Variants in TRAPPC9 observed in about 807,000 individuals in gnomAD.
TRAPPC9 encodes trafficking protein particle complex subunit 9, also known as IKK2 binding protein.
TRAPPC9 carries 83 observed loss-of-function variants against 124.0 expected under a neutral mutation model. The ratio of observed to expected loss-of-function variants is 0.67; its 90% CI spans 0.56 to 0.80. The LOEUF (loss-of-function observed/expected upper bound fraction) is 0.80. Ranked by LOEUF, TRAPPC9 falls within the 30% of genes least tolerant of loss-of-function variation. TRAPPC9 has a pLI of 0.00. For synonymous variants in TRAPPC9, 638 were observed against 617.5 expected (o/e 1.03, Z -0.49); for missense variants, 1,302 against 1,508.3 (o/e 0.86, Z 2.27).
intron 18 of TRAPPC9, among the ~76,000 whole-genome samples, chr8:140,020,434 T>C (rs1004513346): frequency 6.6e-6 from 1 of 152,164 alleles, no homozygotes; most frequent in Non-Finnish European, 1.5e-5. Flanking sequence ...GAGACCAGCC[T>C]GGGCAAGACA....
Position 140,450,921 on chromosome 8 carries a change from G to A in TRAPPC9, c.453C>T (p.Phe151=), listed in dbSNP as rs1245386914. The change falls in exon 2 of 23, where the codon TTC becomes TTT. Residue 151 remains phenylalanine, a synonymous_variant. Coordinates refer to ENST00000438773, the MANE Select transcript of TRAPPC9 (RefSeq NM_001160372.4). ...CQTVEKRIED[F]IESLFIVLES... is the part of the protein sequence containing the mutation. ...CCAGCACGATGAACAGTGACTCGAT[G>A]AAGTCCTCGATTCTCTTCTCCACCG... 1.9e-6 allele frequency: 3 copies of A among 1,614,074 alleles called. No homozygotes were observed. Among genetic ancestry groups the A allele is most frequent in the Non-Finnish European group, 2.5e-6 (3 of 1,180,048 alleles).
chr8:140,239,714 A>C (rs1171919614), intron 16 of TRAPPC9, among the ~76,000 whole-genome samples: 1 of 152,168 alleles, frequency 6.6e-6, no homozygotes, highest in African/African-American at 2.4e-5. Flanking sequence ...TCAGGAAAGA[A>C]CCCAAGTTTC....
rs1266418348 is a variant in TRAPPC9, at chr8:140,008,510, C to A, written c.2699+15427G>T. On this transcript the variant is annotated intron_variant, in intron 18 of 22. Transcript: ENST00000438773. ...TTCTGAGGATTTCTGAGAGGTAAAGCAGCCACTGATGGCAGCGTCCAGAGG... is the reference window on the plus strand; with the variant it reads ...TTCTGAGGATTTCTGAGAGGTAAAGAAGCCACTGATGGCAGCGTCCAGAGG... 2.0e-5 allele frequency: 3 copies of A among 152,268 alleles called. No individual in the cohort carries two copies. The East Asian group carries it at 5.8e-4, about 29-fold the overall frequency. The allele number at this position is 152,268 out of a possible 1,614,324, so 9.4% of individuals were successfully genotyped here. A position where few individuals can be genotyped will look rare whatever the true frequency, so the allele number is the denominator to read the frequency against.
At chr8:139,835,138 C>T (rs965087177) in intron 21 of TRAPPC9, among the ~76,000 whole-genome samples, 3 of 152,178 alleles carry the variant, frequency 2.0e-5, no homozygotes, top group African/African-American at 7.2e-5. Flanking sequence ...ATCACCTCTC[C>T]TCTTGGAGCC....
intron 11 of TRAPPC9, among the ~76,000 whole-genome samples, chr8:140,296,973 G>A (rs1420917953): frequency 6.6e-6 from 1 of 152,244 alleles, no homozygotes; most frequent in East Asian, 1.9e-4. Context: ...AGGGGAGACA[G>A]AGGAGCCCTG....
At chr8:139,819,918 C>T (rs1433232598) in intron 21 of TRAPPC9, among the ~76,000 whole-genome samples, 10 of 143,170 alleles carry the variant, frequency 7.0e-5, no homozygotes, top group Admixed American at 5.2e-4. Flanking sequence ...GAGGCTGAGG[C>T]AGGAGAATCA....
chr8:140,062,903 C>T (rs1433171161), intron 17 of TRAPPC9, among the ~76,000 whole-genome samples: 1 of 152,100 alleles, frequency 6.6e-6, no homozygotes, highest in African/African-American at 2.4e-5. Flanking sequence ...TCTCACACTG[C>T]TAGAAAGAAC....
At chr8:140,042,825 T>C (rs1841356371) in intron 17 of TRAPPC9, among the ~76,000 whole-genome samples, 1 of 152,232 alleles carries the variant, frequency 6.6e-6, no homozygotes, top group Non-Finnish European at 1.5e-5. Context: ...TTCTTTCTCA[T>C]GCCAGCAAAC....
chr8:140,090,988 A>G (rs989967385), intron 17 of TRAPPC9, among the ~76,000 whole-genome samples: 2 of 152,248 alleles, frequency 1.3e-5, no homozygotes, highest in African/African-American at 4.8e-5. Context: ...TAAAAGTCGC[A>G]GTCCAAAAGG....
Position 139,776,222 on chromosome 8 carries a change from G to A in TRAPPC9, c.3056-44020C>T, listed in dbSNP as rs1349498439. On this transcript the variant is annotated intron_variant, in intron 21 of 22. Transcript: ENST00000438773. This position sits in a 1 kb window ranked among gnomAD's most constrained non-coding sequence, Gnocchi z 4.1. ...GTTCCTTCCATCCTGCAGGCCTCCT[G>A]CACAGGGACGCCAGGCTGCAGCCTC... 1.3e-5 allele frequency among the ~76,000 whole-genome samples: 2 copies of A among 152,144 alleles called. No homozygotes were observed. The highest frequency in any genetic ancestry group is 2.1e-4 in the South Asian group (1 of 4,826).
At chr8:140,081,054 C>T (rs1434590798) in intron 17 of TRAPPC9, among the ~76,000 whole-genome samples, 1 of 152,186 alleles carries the variant, frequency 6.6e-6, no homozygotes, top group African/African-American at 2.4e-5. Flanking sequence ...AGGCACCCAC[C>T]CTGGCTCTGG....
At position 140,311,216 on chromosome 8, in the gene TRAPPC9, C is replaced by T. The variant is rs202021357; in HGVS notation, c.1622+32G>A. On this transcript the variant is annotated intron_variant, in intron 10 of 22. Coordinates refer to ENST00000438773, the MANE Select transcript of TRAPPC9 (RefSeq NM_001160372.4). ...TAGAGGACGGTGTCCCAGAGGGCAG[C>T]TGCCTTTCCGGCTCTGCAGTGCCCA... 3.4e-5 allele frequency: 54 copies of T among 1,606,108 alleles called. No individual in the cohort carries two copies. In the East Asian group the frequency reaches 7.8e-4, roughly 23 times the overall value.
intron 18 of TRAPPC9, among the ~76,000 whole-genome samples, chr8:140,010,134 T>C (rs1290943752): frequency 2.0e-5 from 3 of 152,238 alleles, no homozygotes; most frequent in Non-Finnish European, 4.4e-5. Flanking sequence ...CGAAATTTAA[T>C]TTTTAACAGT....
intron 16 of TRAPPC9, among the ~76,000 whole-genome samples, chr8:140,222,660 T>C (rs1314642058): frequency 6.6e-6 from 1 of 152,224 alleles, no homozygotes; most frequent in Non-Finnish European, 1.5e-5. Context: ...AGAGAAGACC[T>C]GGCGGAATGA....
intron 17 of TRAPPC9, among the ~76,000 whole-genome samples, chr8:140,146,897 T>G (rs2061472005): frequency 6.7e-6 from 1 of 149,868 alleles, no homozygotes; most frequent in Non-Finnish European, 1.5e-5. Context: ...AAAAGAGCAC[T>G]TATTTTCCAA....
Position 140,451,007 on chromosome 8 carries a change from C to A in TRAPPC9, c.367G>T (p.Glu123Ter), listed in dbSNP as rs587780486. 2.5e-5 allele frequency: 40 copies of A among 1,613,972 alleles called. No homozygotes were observed. The highest frequency in any genetic ancestry group is 3.3e-5 in the Non-Finnish European group (39 of 1,180,008). ...TCGGTGCGCGGCTGCTCCACGATCT[C>A]CCCCTGCAGCCCGAAGACAAAGAGC... ...SRLFVFGLQGEIVEQPRTDVA... is the reference protein window; with the variant it reads ...SRLFVFGLQG The change falls in exon 2 of 23, where the codon GAG (glutamate) becomes TAG (stop). Residue 123 changes from glutamate (E) to a stop codon, truncating the protein, a stop_gained. Transcript: ENST00000438773. LOFTEE classifies it high-confidence loss of function.
chr8:139,759,566 C>T (rs1034929483), intron 21 of TRAPPC9, among the ~76,000 whole-genome samples: 1 of 152,168 alleles, frequency 6.6e-6, no homozygotes, highest in Non-Finnish European at 1.5e-5. Context: ...TCTAGGGCTA[C>T]AGCGGTTCCT....
intron 5 of TRAPPC9, among the ~76,000 whole-genome samples, chr8:140,425,940 CA>C (rs1482378600): frequency 6.6e-6 from 1 of 152,156 alleles, no homozygotes; most frequent in Non-Finnish European, 1.5e-5. Flanking sequence ...AAACCTGGGG[CA>C]ACTTCATTTC....
At chr8:139,859,374 G>A (rs1827993450) in intron 21 of TRAPPC9, among the ~76,000 whole-genome samples, 1 of 152,154 alleles carries the variant, frequency 6.6e-6, no homozygotes, top group Non-Finnish European at 1.5e-5. Context: ...ATGACCCCCA[G>A]AGACATTTAG....
Sources: gnomAD v4.1 joint callset for allele counts (sites outside exome capture counted in the v4.1 genomes callset) on GRCh38, gnomAD v4.1.1 for gene constraint, Gnocchi (gnomAD v3.1) non-coding constraint, MANE v1.5 for transcripts, NCBI Gene and HGNC (gene_info 2026-07-23, HGNC 2026-07-21) for gene names.